Variants in SCGB2B2 observed in about 807,000 individuals in gnomAD.
SCGB2B2 encodes the protein secretoglobin family 2B member 2.
In SCGB2B2, 11 loss-of-function variants were observed where a neutral mutation model predicts 7.6. That is an observed-to-expected ratio of 1.45 (90% CI 0.91 to 2.40). The LOEUF (loss-of-function observed/expected upper bound fraction) is 2.40, where lower values mean the gene tolerates loss of function less well. SCGB2B2 is among the 30% of genes most tolerant of loss of function. SCGB2B2 has a pLI of 0.00. For synonymous variants in SCGB2B2, 50 were observed against 48.6 expected (o/e 1.03, Z -0.12); for missense variants, 104 against 115.4 (o/e 0.90, Z 0.45).
At chr19:34,620,333 GA>G (rs986694632) in intron 1 of SCGB2B2, among the ~76,000 whole-genome samples, 11 of 152,158 alleles carry the variant, frequency 7.2e-5, no homozygotes, top group African/African-American at 2.7e-4. Flanking sequence ...ATACACCATG[GA>G]ATATTATGCA....
At chr19:34,594,154 G>A in intron 3 of SCGB2B2, 21 bp downstream of exon 3, 1 of 1,602,248 alleles carries the variant, frequency 6.2e-7, no homozygotes, top group Non-Finnish European at 8.5e-7. Context: ...AGTGTGTGCA[G>A]GTCCCCCCGG....
intron 1 of SCGB2B2, among the ~76,000 whole-genome samples, chr19:34,664,248 A>G (rs1207278186): frequency 6.6e-6 from 1 of 152,216 alleles, no homozygotes; most frequent in East Asian, 1.9e-4. Flanking sequence ...TCCCTGGCAG[A>G]GAACGACAGG....
chr19:34,641,946 A>G (rs149319233), intron 1 of SCGB2B2, among the ~76,000 whole-genome samples: 693 of 152,230 alleles, frequency 4.6e-3, no homozygotes, highest in Non-Finnish European at 7.8e-3. Context: ...CTAAAAATCA[A>G]TCTTCCTCAT....
intron 1 of SCGB2B2, among the ~76,000 whole-genome samples, chr19:34,623,745 T>C (rs2066298027): frequency 6.6e-6 from 1 of 152,202 alleles, no homozygotes; most frequent in Non-Finnish European, 1.5e-5. Context: ...ACTGTGGCCC[T>C]AGCAAAGCCC....
chr19:34,608,706 C>T (rs901044311), intron 1 of SCGB2B2: 3 of 89,624 alleles, frequency 3.3e-5, no homozygotes, highest in Admixed American at 1.3e-4. Flanking sequence ...TTCATCTTTT[C>T]ACTTGTTGAT....
chr19:34,636,741 G>A (rs1417305846), intron 1 of SCGB2B2, among the ~76,000 whole-genome samples: 1 of 152,146 alleles, frequency 6.6e-6, no homozygotes, highest in East Asian at 1.9e-4. Flanking sequence ...CCTGCCCTTG[G>A]TATAAAAACA....
At chr19:34,643,149 CA>C (rs1478258830) in intron 1 of SCGB2B2, among the ~76,000 whole-genome samples, 2 of 152,210 alleles carry the variant, frequency 1.3e-5, no homozygotes, top group African/African-American at 4.8e-5. Context: ...CCAAGATACT[CA>C]TTCAACCTAA....
In SCGB2B2 at chr19:34,591,529, C is replaced by T. The variant is rs535643144; in HGVS notation, c.*2026G>A. Among the ~76,000 whole-genome samples the T allele has an allele frequency of 5.9e-5, 9 of 152,276 alleles. No individual in the cohort carries two copies. The highest frequency in any genetic ancestry group is 1.9e-4 in the East Asian group (1 of 5,174). On this transcript the variant is annotated 3_prime_UTR_variant, in exon 4 of 4. Transcript: ENST00000601241. ...TATTCCAACAGGGAAAGTGTGACCT[C>T]GTAAGTCCTGCTCATCCCCTCCCAG...
At chr19:34,644,799 C>T (rs2066949761) in intron 1 of SCGB2B2, among the ~76,000 whole-genome samples, 1 of 152,202 alleles carries the variant, frequency 6.6e-6, no homozygotes, top group African/African-American at 2.4e-5. Flanking sequence ...TTTCCATGGA[C>T]TCACATAATT....
At chr19:34,585,925 CAT>C (rs1406749432), downstream of SCGB2B2, among the ~76,000 whole-genome samples, 3 of 152,188 alleles carry the variant, frequency 2.0e-5, no homozygotes, top group East Asian at 1.9e-4. Context: ...GCAATTATTT[CAT>C]ATGTTTATTA....
At chr19:34,636,057 C>T (rs998692735) in intron 1 of SCGB2B2, among the ~76,000 whole-genome samples, 1 of 152,216 alleles carries the variant, frequency 6.6e-6, no homozygotes, top group South Asian at 2.1e-4. Flanking sequence ...GCAGCTGGAC[C>T]TGCCTTAGGA....
chr19:34,661,264 A>C (rs1232825807), intron 1 of SCGB2B2, among the ~76,000 whole-genome samples: 1 of 152,022 alleles, frequency 6.6e-6, no homozygotes, highest in Non-Finnish European at 1.5e-5. Context: ...CTAGAACTCA[A>C]AGTATAATAA....
intron 1 of SCGB2B2, among the ~76,000 whole-genome samples, chr19:34,617,418 T>G (rs987003423): frequency 2.0e-5 from 3 of 151,462 alleles, no homozygotes; most frequent in Admixed American, 6.6e-5. Context: ...GTAAGTTGGA[T>G]TCCTAGGTAT....
intron 1 of SCGB2B2, among the ~76,000 whole-genome samples, chr19:34,669,429 G>A (rs1353644869): frequency 3.3e-5 from 5 of 152,178 alleles, no homozygotes; most frequent in South Asian, 4.1e-4. Context: ...ACCGGCACTC[G>A]GTGGCAGATT....
intron 1 of SCGB2B2, among the ~76,000 whole-genome samples, chr19:34,642,335 G>A (rs573199774): frequency 6.6e-6 from 1 of 152,270 alleles, no homozygotes; most frequent in African/African-American, 2.4e-5. Flanking sequence ...GCTGCTGAAA[G>A]ATTGTACCAT....
chr19:34,648,362 A>G lies in SCGB2B2; in HGVS notation c.-2032+27268T>C, dbSNP rs536449563. On this transcript the variant is annotated intron_variant, in intron 1 of 3. Coordinates refer to ENST00000601241, the MANE Select transcript of SCGB2B2 (RefSeq NM_001025591.4). The stretch of plus-strand genomic sequence containing the variant: ...CGATCAAAGGCCACGAGTTTCAACT[A>G]TAAGTTAATGAAAACAGTTAAAAAT... Among the ~76,000 whole-genome samples, 9 of 152,370 alleles carry G rather than the reference A, an allele frequency of 5.9e-5. No individual in the cohort carries two copies. The South Asian group carries it at 1.0e-3, about 18-fold the overall frequency.
intron 1 of SCGB2B2, among the ~76,000 whole-genome samples, chr19:34,627,133 G>A (rs527643740): frequency 1.2e-4 from 18 of 152,230 alleles, no homozygotes; most frequent in African/African-American, 4.3e-4. Context: ...AGGAACAACT[G>A]GTACCAGCCA....
Position 34,608,660 on chromosome 19 carries a change from C to CATATATATATATATATATATATATAT in SCGB2B2, c.-2031-12067_-2031-12066insATATATATATATATATATATATATAT, listed in dbSNP as rs71165673. The CATATATATATATATATATATATATAT allele has an allele frequency of 1.9e-3, 168 of 87,112 alleles. 8 individuals carry two copies. Among genetic ancestry groups the CATATATATATATATATATATATATAT allele is most frequent in the East Asian group, 4.8e-3 (11 of 2,304 alleles). The allele number at this position is 87,112 out of a possible 1,614,324, so 5.4% of individuals were successfully genotyped here. A position where few individuals can be genotyped will look rare whatever the true frequency, so the allele number is the denominator to read the frequency against. On this transcript the variant is annotated intron_variant, in intron 1 of 3. Coordinates refer to ENST00000601241, the MANE Select transcript of SCGB2B2 (RefSeq NM_001025591.4). The stretch of plus-strand genomic sequence containing the variant: ...ATTTTTTATGGCTAGTGTCTCATTG[C>CATATATATATATATATATATATATAT]ATATATATATATATATATATATATA...
intron 2 of SCGB2B2, 52 bp downstream of exon 2, chr19:34,594,451 G>A (rs1465830000): frequency 1.2e-6 from 2 of 1,604,534 alleles, no homozygotes. Flanking sequence ...GGTGATGAGA[G>A]TGAAGGAGCA....
Sources: allele counts gnomAD v4.1 joint callset (sites outside exome capture counted in the v4.1 genomes callset), GRCh38; gene constraint gnomAD v4.1.1; transcripts MANE v1.5; gene names NCBI Gene and HGNC (gene_info 2026-07-23, HGNC 2026-07-21).